CELF4: variants seen among roughly 807,000 people sequenced by gnomAD.
CELF4 encodes CUGBP Elav-like family member 4, also known as CUG-BP- and ETR-3-like factor 4.
Under a neutral mutation model 59.9 loss-of-function variants are expected in CELF4, and 18 were observed. That is an observed-to-expected ratio of 0.30 (90% CI 0.21 to 0.45). CELF4 has a LOEUF of 0.45. Ranked by LOEUF, CELF4 falls within the 20% of genes least tolerant of loss-of-function variation. The pLI, the probability that CELF4 is intolerant of heterozygous loss-of-function variation, is 1.00. For missense variants in CELF4, 456 were observed against 689.0 expected, an observed-to-expected ratio of 0.66 and a Z score of 3.79; for synonymous variants, 261 against 267.1, an observed-to-expected ratio of 0.98 and a Z score of 0.22.
chr18:37,311,304 G>A (rs954165510), intron 3 of CELF4, among the ~76,000 whole-genome samples: 1 of 152,236 alleles, frequency 6.6e-6, no homozygotes, highest in Middle Eastern at 3.4e-3. Flanking sequence ...TGCCTGCTCC[G>A]CTGGTGCCTC....
chr18:37,556,127 C>A (rs1043994235), intron 1 of CELF4, among the ~76,000 whole-genome samples: 6 of 152,142 alleles, frequency 3.9e-5, no homozygotes, highest in African/African-American at 1.4e-4. Flanking sequence ...AGGACTTGCG[C>A]AAGGAGGCTT....
chr18:37,320,213 G>A (rs918006295), intron 3 of CELF4, among the ~76,000 whole-genome samples: 11 of 152,228 alleles, frequency 7.2e-5, no homozygotes, highest in African/African-American at 1.7e-4. Flanking sequence ...GCATGCGCCT[G>A]TAGTCCCAGC....
intron 2 of CELF4, among the ~76,000 whole-genome samples, chr18:37,417,174 C>A (rs141503687): frequency 6.6e-6 from 1 of 152,194 alleles, no homozygotes; most frequent in Non-Finnish European, 1.5e-5. Context: ...GTATAGTTTA[C>A]GGACAGGGAG....
chr18:37,540,260 C>T (rs549853331), intron 1 of CELF4, among the ~76,000 whole-genome samples: 8 of 152,386 alleles, frequency 5.2e-5, no homozygotes, highest in African/African-American at 1.7e-4. Flanking sequence ...CTCCCGTCCA[C>T]TGGCTCCCTG....
At chr18:37,423,768 T>C (rs918362912) in intron 2 of CELF4, among the ~76,000 whole-genome samples, 15 of 152,142 alleles carry the variant, frequency 9.9e-5, no homozygotes, top group Non-Finnish European at 1.6e-4. Flanking sequence ...TTGCCTCCAC[T>C]TGAAACCTTC....
chr18:37,506,559 G>T (rs902998431), intron 1 of CELF4, among the ~76,000 whole-genome samples: 13 of 152,194 alleles, frequency 8.5e-5, no homozygotes, highest in Non-Finnish European at 7.3e-5. Flanking sequence ...GGAGAGGGAG[G>T]TTGGGCAAAC....
intron 3 of CELF4, among the ~76,000 whole-genome samples, chr18:37,303,431 A>C (rs1339869855): frequency 6.6e-6 from 1 of 152,176 alleles, no homozygotes; most frequent in Non-Finnish European, 1.5e-5. Flanking sequence ...AGACATTTTG[A>C]ATTTAAAGTA....
At chr18:37,480,184 G>A (rs915929957) in intron 2 of CELF4, among the ~76,000 whole-genome samples, 3 of 152,178 alleles carry the variant, frequency 2.0e-5, no homozygotes, top group East Asian at 1.9e-4. Flanking sequence ...GAACAGGACC[G>A]GGGAACTGGA....
At chr18:37,498,002 C>T (rs1231926326) in intron 1 of CELF4, among the ~76,000 whole-genome samples, 1 of 152,126 alleles carries the variant, frequency 6.6e-6, no homozygotes, top group African/African-American at 2.4e-5. Context: ...GAGCCCATGT[C>T]CTGAACTCTG....
intron 2 of CELF4, among the ~76,000 whole-genome samples, chr18:37,353,233 A>AATATATAT (rs1557327923): frequency 5.0e-4 from 54 of 106,992 alleles, no homozygotes; most frequent in African/African-American, 1.2e-3. Flanking sequence ...AAAAAAAAAA[A>AATATATAT]ATATATATAT....
intron 1 of CELF4, among the ~76,000 whole-genome samples, chr18:37,563,067 C>CTATATA (rs1168336320): frequency 9.3e-5 from 14 of 150,608 alleles, no homozygotes; most frequent in African/African-American, 3.4e-4. Context: ...ATATCTATAT[C>CTATATA]TATATATAAA....
At chr18:37,274,624 C>A in intron 5 of CELF4, 170 bp from the exon 6 acceptor site, 1 of 1,507,526 alleles carries the variant, frequency 6.6e-7, no homozygotes, top group South Asian at 1.3e-5. Context: ...GCATTTTCCA[C>A]CTGGGTAACC....
chr18:37,283,652 C>G (rs1265262930), intron 3 of CELF4, among the ~76,000 whole-genome samples: 1 of 152,060 alleles, frequency 6.6e-6, no homozygotes, highest in Non-Finnish European at 1.5e-5. Flanking sequence ...AGCTGACCTT[C>G]AGGAATCCTC....
At chr18:37,491,295 T>TCCTCACCCGAGAGGAC in intron 1 of CELF4, among the ~76,000 whole-genome samples, 1 of 151,680 alleles carries the variant, frequency 6.6e-6, no homozygotes, top group African/African-American at 2.4e-5. Context: ...CCACCTCCTC[T>TCCTCACCCGAGAGGAC]GGCCAGCAGA....
chr18:37,334,285 A>C (rs898494112), intron 2 of CELF4, among the ~76,000 whole-genome samples: 1 of 152,130 alleles, frequency 6.6e-6, no homozygotes, highest in African/African-American at 2.4e-5. Flanking sequence ...GGCTGCCCCC[A>C]GTGCTGGGCC....
At chr18:37,375,234 G>C (rs753966832) in intron 2 of CELF4, among the ~76,000 whole-genome samples, 14 of 152,188 alleles carry the variant, frequency 9.2e-5, no homozygotes, top group Non-Finnish European at 1.9e-4. Flanking sequence ...CTGCCTGCCT[G>C]GCAAACAAAT....
At chr18:37,470,279 C>T (rs776189332) in intron 2 of CELF4, among the ~76,000 whole-genome samples, 7 of 152,162 alleles carry the variant, frequency 4.6e-5, no homozygotes, top group Admixed American at 6.5e-5. Flanking sequence ...AAGTGGCTTA[C>T]GAATCCTCTG....
intron 3 of CELF4, among the ~76,000 whole-genome samples, chr18:37,285,907 A>G (rs2057634511): frequency 6.6e-6 from 1 of 152,166 alleles, no homozygotes; most frequent in Non-Finnish European, 1.5e-5. Context: ...GACTTTTCGC[A>G]GCCGAACTCT....
intron 3 of CELF4, among the ~76,000 whole-genome samples, chr18:37,306,890 G>C (rs1286695332): frequency 6.6e-6 from 1 of 152,220 alleles, no homozygotes; most frequent in Non-Finnish European, 1.5e-5. Flanking sequence ...GTCAGGGCGA[G>C]ATTGCCGAAG....
Sources: gnomAD v4.1 joint callset for allele counts (sites outside exome capture counted in the v4.1 genomes callset) on GRCh38, gnomAD v4.1.1 for gene constraint, MANE v1.5 for transcripts, NCBI Gene and HGNC (gene_info 2026-07-23, HGNC 2026-07-21) for gene names.